KDM6A: variants seen among roughly 807,000 people sequenced by gnomAD.
KDM6A encodes the protein lysine-specific demethylase 6A.
Under a neutral mutation model 117.6 loss-of-function variants are expected in KDM6A, and 11 were observed. The observed-to-expected ratio is 0.09, with a 90% CI of 0.06 to 0.15. KDM6A has a LOEUF of 0.15. KDM6A is among the 10% of genes least tolerant of loss of function. The pLI is 1.00. For missense variants in KDM6A, 799 were observed against 1,077.3 expected (o/e 0.74, Z 3.62); for synonymous variants, 384 against 396.1 (o/e 0.97, Z 0.36).
intron 4 of KDM6A, among the ~76,000 whole-genome samples, chrX:44,995,753 C>G (rs941407792): frequency 3.6e-5 from 4 of 111,738 alleles, no homozygotes; most frequent in African/African-American, 9.8e-5. Flanking sequence ...CAGGTGTGAG[C>G]CACCAGGCCT....
At chrX:44,922,027 C>CTTTT (rs1412985730) in intron 2 of KDM6A, among the ~76,000 whole-genome samples, 3,161 of 37,714 alleles carry the variant, frequency 0.084, 1,394 homozygotes, top group East Asian at 0.18. Context: ...ATTGTGTGTG[C>CTTTT]CTTTTTTTTT....
chrX:44,919,199 T>G (rs2035745466), intron 2 of KDM6A, among the ~76,000 whole-genome samples: 1 of 111,878 alleles, frequency 8.9e-6, no homozygotes, highest in African/African-American at 3.2e-5. Context: ...ATTATTAGCT[T>G]AAAGTCCATA....
intron 4 of KDM6A, among the ~76,000 whole-genome samples, chrX:44,992,207 T>C (rs1382575169): frequency 2.1e-4 from 1 of 4,652 alleles, no homozygotes; most frequent in African/African-American, 3.2e-3. Flanking sequence ...TGTCTTCTTC[T>C]TTTTTTTTTT....
At chrX:44,885,621 A>G (rs1367128913) in intron 2 of KDM6A, among the ~76,000 whole-genome samples, 1 of 110,626 alleles carries the variant, frequency 9.0e-6, no homozygotes, top group Non-Finnish European at 1.9e-5. Flanking sequence ...CTGTGATCCC[A>G]GCACTTTCAG....
intron 2 of KDM6A, among the ~76,000 whole-genome samples, chrX:44,896,038 C>T (rs1402193319): frequency 2.7e-5 from 3 of 109,782 alleles, no homozygotes; most frequent in African/African-American, 9.9e-5. Context: ...ACTTTTCTTC[C>T]ACTTAGGTCC....
intron 5 of KDM6A, among the ~76,000 whole-genome samples, chrX:45,020,053 T>C (rs1026805871): frequency 5.4e-5 from 6 of 111,582 alleles, no homozygotes; most frequent in African/African-American, 2.0e-4. Context: ...GTAAGGATGG[T>C]CATTTCTACA....
At chrX:44,967,026 C>T (rs139784742) in intron 3 of KDM6A, among the ~76,000 whole-genome samples, 4,320 of 109,791 alleles carry the variant, frequency 0.039, 76 homozygotes, top group Middle Eastern at 0.079. Context: ...CCCGCCACCA[C>T]GCCCGGCTAA....
At chrX:44,881,591 A>G (rs939311709) in intron 2 of KDM6A, among the ~76,000 whole-genome samples, 2 of 106,282 alleles carry the variant, frequency 1.9e-5, no homozygotes, top group Non-Finnish European at 3.9e-5. Flanking sequence ...ATATTCCATC[A>G]TTTGTTTACT....
intron 2 of KDM6A, among the ~76,000 whole-genome samples, chrX:44,875,310 CTTTT>C (rs1195673019): frequency 8.9e-6 from 1 of 111,912 alleles, no homozygotes. Flanking sequence ...TCATCAATTC[CTTTT>C]TATCTGTAAT....
intron 3 of KDM6A, among the ~76,000 whole-genome samples, chrX:44,971,578 G>C (rs189521500): frequency 4.6e-4 from 51 of 111,277 alleles, no homozygotes; most frequent in African/African-American, 1.6e-3. Flanking sequence ...GGTCAGCCGA[G>C]AGAAAGGAAA....
At chrX:44,884,438 A>G (rs760995201) in intron 2 of KDM6A, among the ~76,000 whole-genome samples, 14 of 111,639 alleles carry the variant, frequency 1.3e-4, no homozygotes, top group African/African-American at 4.6e-4. Flanking sequence ...TTCTGTTCCT[A>G]CCACTTACTA....
intron 2 of KDM6A, among the ~76,000 whole-genome samples, chrX:44,932,353 C>T (rs1350801117): frequency 7.3e-5 from 8 of 109,258 alleles, no homozygotes; most frequent in African/African-American, 1.7e-4. Flanking sequence ...TCAGGTGGTC[C>T]GCCTGCCTGG....
intron 2 of KDM6A, among the ~76,000 whole-genome samples, chrX:44,906,521 C>A (rs2034669439): frequency 9.1e-6 from 1 of 110,009 alleles, no homozygotes; most frequent in Admixed American, 9.7e-5. Flanking sequence ...TGAAGCTTTC[C>A]CTTAATCGTT....
At chrX:45,001,487 A>G (rs766987128) in intron 4 of KDM6A, among the ~76,000 whole-genome samples, 5 of 110,986 alleles carry the variant, frequency 4.5e-5, no homozygotes, top group Non-Finnish European at 9.4e-5. Flanking sequence ...ATCTTTCTGG[A>G]TTAAGTGGTC....
At chrX:44,940,028 G>A (rs2037204019) in intron 2 of KDM6A, among the ~76,000 whole-genome samples, 1 of 111,859 alleles carries the variant, frequency 8.9e-6, no homozygotes, top group African/African-American at 3.3e-5. Context: ...CCCAAAGTAT[G>A]CTTGTACTAT....
Position 45,047,674 on chromosome X carries a change from C to CTTTTTTTTTTTTTTTT in KDM6A, c.655-4021_655-4006dup, listed in dbSNP as rs78749806. Among the ~76,000 whole-genome samples the CTTTTTTTTTTTTTTTT allele has an allele frequency of 2.0e-3, 74 of 36,357 alleles. 32 individuals are homozygous for CTTTTTTTTTTTTTTTT. Among genetic ancestry groups the CTTTTTTTTTTTTTTTT allele is most frequent in the Non-Finnish European group, 3.2e-3 (63 of 19,606 alleles). 31.6% of individuals were successfully genotyped at this position (36,357 alleles called of 115,157 possible). ...TCAAATATCTGCTTGCTTTTTTTTT[C>CTTTTTTTTTTTTTTTT]TTTTTTTTTTTTTTTTTTTTTTTTT... On this transcript the variant is annotated intron_variant, in intron 8 of 29. Transcript: ENST00000611820.
intron 20 of KDM6A, 32 bp downstream of exon 20, chrX:45,078,537 G>T (rs756597637): frequency 1.8e-6 from 2 of 1,134,782 alleles, no homozygotes; most frequent in Non-Finnish European, 2.4e-6. Context: ...GAAAACGTTT[G>T]TCTCTTTGTT....
At chrX:45,070,451 G>C in intron 18 of KDM6A, 94 bp downstream of exon 18, 1 of 771,364 alleles carries the variant, frequency 1.3e-6, no homozygotes, top group Non-Finnish European at 1.9e-6. Context: ...TGGGAAGTAA[G>C]CAAAAGATGG....
chrX:44,971,300 A>G (rs1035416537), intron 3 of KDM6A, among the ~76,000 whole-genome samples: 1 of 112,027 alleles, frequency 8.9e-6, no homozygotes, highest in African/African-American at 3.2e-5. Context: ...CTCATAGTCT[A>G]ACGTCCTTCC....
Sources: gnomAD v4.1 joint callset for allele counts (sites outside exome capture counted in the v4.1 genomes callset) on GRCh38, gnomAD v4.1.1 for gene constraint, MANE v1.5 for transcripts, NCBI Gene and HGNC (gene_info 2026-07-23, HGNC 2026-07-21) for gene names.